Variants in CNTLN observed in about 807,000 individuals in gnomAD.
CNTLN encodes centlein, centrosomal protein.
Under a neutral mutation model 180.0 loss-of-function variants are expected in CNTLN, and 212 were observed. That is an observed-to-expected ratio of 1.18 (90% CI 1.05 to 1.32). The LOEUF is 1.32. CNTLN is among the 40% of genes most tolerant of loss of function. The pLI, the probability that CNTLN is intolerant of heterozygous loss-of-function variation, is 0.00. For missense variants in CNTLN, 2,095 were observed against 1,610.9 expected, an observed-to-expected ratio of 1.30 and a Z score of -5.14; for synonymous variants, 722 against 563.1, an observed-to-expected ratio of 1.28 and a Z score of -3.99.
intron 13 of CNTLN, among the ~76,000 whole-genome samples, chr9:17,372,099 A>T (rs1275274571): frequency 6.6e-6 from 1 of 152,122 alleles, no homozygotes; most frequent in Non-Finnish European, 1.5e-5. Flanking sequence ...AAAAGAAAAG[A>T]AGTAGTAAAG....
Position 17,252,345 on chromosome 9 carries a change from C to T in CNTLN, c.849+15757C>T, listed in dbSNP as rs79590931. On this transcript the variant is annotated intron_variant, in intron 5 of 25. Transcript: ENST00000380647. ...TTTTCTTAGTTGTTACACTAATTTA[C>T]ATTTTCACCAACAGTGTATAAGAGT... 7.2e-3 allele frequency among the ~76,000 whole-genome samples: 1,094 copies of T among 151,874 alleles called. 26 individuals carry two copies. Among genetic ancestry groups the T allele is most frequent in the East Asian group, 0.052 (269 of 5,174 alleles).
At chr9:17,164,164 T>G (rs1819882919) in intron 2 of CNTLN, among the ~76,000 whole-genome samples, 1 of 151,520 alleles carries the variant, frequency 6.6e-6, no homozygotes, top group Non-Finnish European at 1.5e-5. Flanking sequence ...ATACAAAAAT[T>G]AAACTGGCAT....
intron 15 of CNTLN, among the ~76,000 whole-genome samples, chr9:17,401,763 GAAGTATACTT>G (rs2133787213): frequency 6.6e-6 from 1 of 151,828 alleles, no homozygotes; most frequent in East Asian, 1.9e-4. Flanking sequence ...GCATCTCTAG[GAAGTATACTT>G]AAGCAAGAGA....
At chr9:17,301,193 C>T (rs934419793) in intron 7 of CNTLN, 15 of 985,362 alleles carry the variant, frequency 1.5e-5, no homozygotes, top group Middle Eastern at 1.0e-3. Context: ...CCAGAAATTC[C>T]CTAGTGTATG....
intron 13 of CNTLN, among the ~76,000 whole-genome samples, chr9:17,374,745 C>T (rs1824610134): frequency 6.6e-6 from 1 of 151,928 alleles, no homozygotes; most frequent in Non-Finnish European, 1.5e-5. Flanking sequence ...CCTGTAATCC[C>T]AGTTACTTGG....
At chr9:17,272,372 G>A (rs904068532) in intron 5 of CNTLN, among the ~76,000 whole-genome samples, 3 of 152,086 alleles carry the variant, frequency 2.0e-5, no homozygotes, top group Non-Finnish European at 4.4e-5. Flanking sequence ...ACTGCGCCTG[G>A]CCAGATAATG....
At chr9:17,491,376 A>C (rs1019051900) in intron 25 of CNTLN, among the ~76,000 whole-genome samples, 1 of 152,154 alleles carries the variant, frequency 6.6e-6, no homozygotes, top group Non-Finnish European at 1.5e-5. Context: ...AAATGTATAA[A>C]CTATGAAATT....
intron 21 of CNTLN, among the ~76,000 whole-genome samples, chr9:17,465,124 GTT>G (rs78207270): frequency 1.7e-4 from 23 of 136,552 alleles, no homozygotes; most frequent in African/African-American, 5.5e-4. Flanking sequence ...GGTTTTTTTT[GTT>G]TTTTTTTTTT....
intron 2 of CNTLN, among the ~76,000 whole-genome samples, chr9:17,213,934 G>A (rs2131990170): frequency 6.6e-6 from 1 of 151,910 alleles, no homozygotes; most frequent in South Asian, 2.1e-4. Context: ...CCTTTATTTT[G>A]AGCGTATGTG....
At chr9:17,385,593 A>C (rs1281710430) in intron 13 of CNTLN, among the ~76,000 whole-genome samples, 1 of 152,186 alleles carries the variant, frequency 6.6e-6, no homozygotes, top group African/African-American at 2.4e-5. Context: ...ACAAAATCCA[A>C]ATACAGTGGA....
intron 8 of CNTLN, among the ~76,000 whole-genome samples, chr9:17,328,034 T>A (rs1721023906): frequency 6.6e-6 from 1 of 152,112 alleles, no homozygotes; most frequent in Non-Finnish European, 1.5e-5. Context: ...AAGAAAATAA[T>A]TCATATTACA....
chr9:17,264,700 T>TA (rs1827274428), intron 5 of CNTLN, among the ~76,000 whole-genome samples: 1 of 151,100 alleles, frequency 6.6e-6, no homozygotes, highest in Admixed American at 6.6e-5. Context: ...TCCATTTGTA[T>TA]CCTCTTTTAT....
intron 8 of CNTLN, among the ~76,000 whole-genome samples, chr9:17,311,625 T>G (rs1819141734): frequency 6.6e-6 from 1 of 151,670 alleles, no homozygotes; most frequent in South Asian, 2.1e-4. Context: ...CGGGCCAACC[T>G]GGTGAAAGCC....
chr9:17,440,524 G>A (rs146196993), intron 18 of CNTLN, among the ~76,000 whole-genome samples: 2 of 147,508 alleles, frequency 1.4e-5, no homozygotes, highest in African/African-American at 2.5e-5. Context: ...GGGAGACGGA[G>A]CTTGAAGTGA....
At chr9:17,490,848 C>T (rs907781089) in intron 25 of CNTLN, among the ~76,000 whole-genome samples, 4 of 151,960 alleles carry the variant, frequency 2.6e-5, no homozygotes, top group African/African-American at 9.7e-5. Flanking sequence ...TTGTGCCCCC[C>T]ACCAATAGCA....
intron 18 of CNTLN, among the ~76,000 whole-genome samples, chr9:17,452,695 A>G (rs1170751028): frequency 6.6e-6 from 1 of 152,220 alleles, no homozygotes; most frequent in Non-Finnish European, 1.5e-5. Context: ...AAAAAGAATA[A>G]ATGATAGATA....
chr9:17,265,875 G>A lies in CNTLN; in HGVS notation c.850-7858G>A, dbSNP rs921702577. Among the ~76,000 whole-genome samples, 5 of 152,030 alleles carry A rather than the reference G, an allele frequency of 3.3e-5. No individual in the cohort carries two copies. The East Asian group carries it at 5.8e-4, about 18-fold the overall frequency. ...TGGTTGTTTGTATTTCTGTGGGATCGGTGGTGATATCCCCTTTATCATTTT... is the reference window on the plus strand; with the variant it reads ...TGGTTGTTTGTATTTCTGTGGGATCAGTGGTGATATCCCCTTTATCATTTT... On this transcript the variant is annotated intron_variant, in intron 5 of 25. Transcript: ENST00000380647.
chr9:17,191,401 T>C (rs6475113), intron 2 of CNTLN, among the ~76,000 whole-genome samples: 51,000 of 152,124 alleles, frequency 0.34, 11,156 homozygotes, highest in African/African-American at 0.62. Flanking sequence ...TGCTGTTTCT[T>C]TCAAACCCTT....
intron 2 of CNTLN, among the ~76,000 whole-genome samples, chr9:17,162,464 G>T (rs1012848501): frequency 1.3e-5 from 2 of 152,132 alleles, no homozygotes; most frequent in Admixed American, 6.5e-5. Context: ...TCACAGTCCT[G>T]CATTTTGAAT....
Sources: gnomAD v4.1 joint callset for allele counts (sites outside exome capture counted in the v4.1 genomes callset) on GRCh38, gnomAD v4.1.1 for gene constraint, MANE v1.5 for transcripts, NCBI Gene and HGNC (gene_info 2026-07-23, HGNC 2026-07-21) for gene names.